LITAF: variants seen among roughly 807,000 people sequenced by gnomAD.
LITAF encodes the protein lipopolysaccharide induced TNF factor.
LITAF carries 9 observed loss-of-function variants against 14.5 expected under a neutral mutation model. The observed-to-expected ratio is 0.62, with a 90% CI of 0.37 to 1.08. LITAF has a LOEUF of 1.08. LITAF is among the 50% of genes least tolerant of loss of function. LITAF has a pLI of 0.01. For missense variants in LITAF, 206 were observed against 213.4 expected, an observed-to-expected ratio of 0.97 and a Z score of 0.22; for synonymous variants, 98 against 88.2, an observed-to-expected ratio of 1.11 and a Z score of -0.62.
upstream of LITAF, among the ~76,000 whole-genome samples, chr16:11,598,802 C>T (rs7191330): frequency 0.45 from 68,719 of 151,646 alleles, 15,719 homozygotes; most frequent in East Asian, 0.54. Context: ...AGGCACCGTG[C>T]CTCATTCAGC....
At chr16:11,614,671 C>T (rs942090479) in intron 3 of LITAF, among the ~76,000 whole-genome samples, 1 of 152,160 alleles carries the variant, frequency 6.6e-6, no homozygotes, top group East Asian at 1.9e-4. Context: ...ACAACTTCAG[C>T]TCACTGCAAC....
chr16:11,606,725 C>T (rs1016575615), intron 3 of LITAF, among the ~76,000 whole-genome samples: 2 of 152,006 alleles, frequency 1.3e-5, no homozygotes, highest in Admixed American at 6.6e-5. Context: ...ACCTCTGCCT[C>T]CCGGGTTCAA....
At chr16:11,570,918 G>A (rs964926752) in intron 1 of LITAF, among the ~76,000 whole-genome samples, 1 of 151,802 alleles carries the variant, frequency 6.6e-6, no homozygotes, top group African/African-American at 2.4e-5. Context: ...ACCTCTGTTG[G>A]GTTTAAATGT....
rs1218240119 is a variant in LITAF, at chr16:11,548,771, T to G, written c.*866A>C. The stretch of plus-strand genomic sequence containing the variant: ...CAGAAGGATCGCTTGAGCCCAGGAG[T>G]TCGACACCAGCCTGGGCAACATAGT... On this transcript the variant is annotated 3_prime_UTR_variant, in exon 4 of 4. Coordinates refer to ENST00000622633, the MANE Select transcript of LITAF (RefSeq NM_001136472.2). The G allele has an allele frequency of 2.2e-6, 1 of 452,806 alleles. No homozygotes were observed. The highest frequency in any genetic ancestry group is 2.0e-5 in the African/African-American group (1 of 49,822). 28.0% of individuals were successfully genotyped at this position (452,806 alleles called of 1,614,324 possible).
upstream of LITAF, chr16:11,587,179 T>TC: frequency 3.2e-6 from 1 of 309,430 alleles, no homozygotes; most frequent in Non-Finnish European, 6.5e-6. Flanking sequence ...GGACCTGGTG[T>TC]CTCCCCCACT....
rs2064213874 is a variant in LITAF, at chr16:11,553,472, C to T, written c.377+61G>A. 1.9e-6 allele frequency: 3 copies of T among 1,585,058 alleles called. No homozygotes were observed. The highest frequency in any genetic ancestry group is 2.2e-5 in the South Asian group (2 of 89,812). ...AAGCATGGTGCAGTTGAGAACCCAC[C>T]CCCGCCAGCACCCAGAGAGAAGGGC... On this transcript the variant is annotated intron_variant, in intron 3 of 3. Transcript: ENST00000622633. The surrounding 1 kb of genome is among the most constrained non-coding windows in gnomAD (Gnocchi z 7.7).
At chr16:11,587,199 T>G, upstream of LITAF, 1 of 359,238 alleles carries the variant, frequency 2.8e-6, no homozygotes, top group Non-Finnish European at 5.5e-6. Context: ...TCTCCTATCC[T>G]GCCCCTGCCT....
chr16:11,638,006 ATATATATCTATATATATC>A (rs1567270982), upstream of LITAF, among the ~76,000 whole-genome samples: 8 of 59,844 alleles, frequency 1.3e-4, 1 homozygote, highest in African/African-American at 5.7e-4. Context: ...ATATATATCT[ATATATATCTATATATATC>A]TATATATCTA....
intron 1 of LITAF, among the ~76,000 whole-genome samples, chr16:11,564,364 T>C (rs2064419427): frequency 6.6e-6 from 1 of 152,088 alleles, no homozygotes; most frequent in South Asian, 2.1e-4. Context: ...GACCTCACTT[T>C]CAGCAACAGA....
chr16:11,610,693 C>T (rs891715465), intron 3 of LITAF, among the ~76,000 whole-genome samples: 9 of 152,138 alleles, frequency 5.9e-5, no homozygotes, highest in Admixed American at 4.6e-4. Flanking sequence ...AACAGGGTTG[C>T]TGTGTTGGGT....
At chr16:11,592,562 A>G (rs4780389) in intron 1 of LITAF, among the ~76,000 whole-genome samples, 62,100 of 148,794 alleles carry the variant, frequency 0.42, 14,061 homozygotes, top group African/African-American at 0.59. Context: ...ATGACAGAGC[A>G]AGACCCTGTC....
At chr16:11,579,161 C>T (rs1299138043) in intron 1 of LITAF, among the ~76,000 whole-genome samples, 2 of 150,352 alleles carry the variant, frequency 1.3e-5, no homozygotes, top group Admixed American at 6.7e-5. Flanking sequence ...TGCACTGCAG[C>T]CTGGGCAACA....
intron 1 of LITAF, among the ~76,000 whole-genome samples, chr16:11,557,718 T>C (rs1399101442): frequency 6.6e-6 from 1 of 152,248 alleles, no homozygotes; most frequent in Non-Finnish European, 1.5e-5. Flanking sequence ...CCCAATGTGC[T>C]GGGATTAAAG....
At chr16:11,622,569 G>A (rs1289610993) in intron 3 of LITAF, among the ~76,000 whole-genome samples, 1 of 152,178 alleles carries the variant, frequency 6.6e-6, no homozygotes, top group Non-Finnish European at 1.5e-5. Context: ...CTTTCCTCTT[G>A]CAGAGAAAAC....
upstream of LITAF, among the ~76,000 whole-genome samples, chr16:11,590,977 C>T (rs962940318): frequency 5.1e-5 from 6 of 117,342 alleles, 2 homozygotes; most frequent in African/African-American, 2.4e-4. Context: ...AAGTGATCCA[C>T]CTGCCTCGGC....
At position 11,605,856 on chromosome 16, in the gene LITAF, G is replaced by C. The variant is rs946375826; in HGVS notation, c.85+27677C>G. ...CTCTCACAACCGCACCAGGAGGTAG[G>C]TTCCACTGTTCCCACGGAAACTTAT... On this transcript the variant is annotated intron_variant, in intron 3 of 3. Coordinates refer to the LITAF transcript ENST00000574848. The surrounding 1 kb of genome is among the most constrained non-coding windows in gnomAD (Gnocchi z 4.7). Among the ~76,000 whole-genome samples, 14 of 152,266 alleles carry C rather than the reference G, an allele frequency of 9.2e-5. No individual in the cohort carries two copies. Among genetic ancestry groups the C allele is most frequent in the African/African-American group, 3.1e-4 (13 of 41,558 alleles).
intron 1 of LITAF, among the ~76,000 whole-genome samples, chr16:11,593,211 C>G (rs2064858564): frequency 6.6e-6 from 1 of 151,510 alleles, no homozygotes; most frequent in Admixed American, 6.6e-5. Flanking sequence ...CAAAAATTAG[C>G]CGGGCATGGT....
upstream of LITAF, among the ~76,000 whole-genome samples, chr16:11,589,765 T>C (rs1274957302): frequency 6.7e-6 from 1 of 150,106 alleles, no homozygotes; most frequent in Non-Finnish European, 1.5e-5. Flanking sequence ...ACTACAGGCA[T>C]GTACCACTGT....
chr16:11,614,771 C>A (rs2065006733), intron 3 of LITAF, among the ~76,000 whole-genome samples: 1 of 152,228 alleles, frequency 6.6e-6, no homozygotes, highest in Admixed American at 6.5e-5. Context: ...ACTGTTTTCA[C>A]CTTTCAGCTG....
Sources: allele counts gnomAD v4.1 joint callset (sites outside exome capture counted in the v4.1 genomes callset), GRCh38; gene constraint gnomAD v4.1.1; non-coding constraint Gnocchi (gnomAD v3.1); transcripts MANE v1.5; gene names NCBI Gene and HGNC (gene_info 2026-07-23, HGNC 2026-07-21).